SLC31A1: variants seen among roughly 807,000 people sequenced by gnomAD.
SLC31A1 encodes solute carrier family 31 member 1.
SLC31A1 carries 5 observed loss-of-function variants against 17.2 expected under a neutral mutation model. That is an observed-to-expected ratio of 0.29 (90% CI 0.15 to 0.61). The LOEUF (loss-of-function observed/expected upper bound fraction) is 0.61. SLC31A1 is among the 20% of genes least tolerant of loss of function. The probability of loss-of-function intolerance (pLI) is 0.86; values close to 1 mark genes in which losing one functional copy is unlikely to be tolerated. For missense variants in SLC31A1, 161 were observed against 241.4 expected, an observed-to-expected ratio of 0.67 and a Z score of 2.21; for synonymous variants, 76 against 78.8, an observed-to-expected ratio of 0.96 and a Z score of 0.19.
chr9:113,256,532 G>T, intron 2 of SLC31A1: 1 of 396,200 alleles, frequency 2.5e-6, no homozygotes, highest in Non-Finnish European at 4.6e-6. Flanking sequence ...CTGAATTAGG[G>T]GTTCTGGTCT....
intron 1 of SLC31A1, among the ~76,000 whole-genome samples, chr9:113,247,042 G>T (rs1831588747): frequency 6.6e-6 from 1 of 152,100 alleles, no homozygotes; most frequent in African/African-American, 2.4e-5. Flanking sequence ...GGCAAGATTC[G>T]CCCAGTTAAA....
At chr9:113,251,734 ATAAT>A (rs1301882847) in intron 1 of SLC31A1, among the ~76,000 whole-genome samples, 1 of 152,250 alleles carries the variant, frequency 6.6e-6, no homozygotes, top group Non-Finnish European at 1.5e-5. Context: ...TTATGCTTTA[ATAAT>A]TAATTTGTAA....
intron 1 of SLC31A1, among the ~76,000 whole-genome samples, chr9:113,227,012 A>C (rs1485664422): frequency 6.6e-6 from 1 of 152,192 alleles, no homozygotes; most frequent in Non-Finnish European, 1.5e-5. Context: ...AATTATTTAC[A>C]TGTGTCCCTC....
At chr9:113,239,999 G>A (rs763966886) in intron 1 of SLC31A1, among the ~76,000 whole-genome samples, 6 of 152,160 alleles carry the variant, frequency 3.9e-5, no homozygotes, top group Non-Finnish European at 5.9e-5. Flanking sequence ...TCTCGACTCA[G>A]GAAGGCTCTT....
At chr9:113,247,397 ACTT>A (rs1488709280) in intron 1 of SLC31A1, among the ~76,000 whole-genome samples, 1 of 152,198 alleles carries the variant, frequency 6.6e-6, no homozygotes, top group Non-Finnish European at 1.5e-5. Context: ...ATGTATGACT[ACTT>A]CTGTGTAGTC....
intron 1 of SLC31A1, among the ~76,000 whole-genome samples, chr9:113,238,736 C>A (rs1831490669): frequency 1.3e-5 from 2 of 152,214 alleles, no homozygotes; most frequent in Admixed American, 6.5e-5. Flanking sequence ...GCCTGGGCGA[C>A]AGACTGTGAC....
chr9:113,259,583 CTT>C (rs34039262), intron 4 of SLC31A1, among the ~76,000 whole-genome samples: 27 of 124,422 alleles, frequency 2.2e-4, no homozygotes, highest in Middle Eastern at 4.0e-3. Flanking sequence ...TTTTTTCTTT[CTT>C]TTTTTTTTTT....
intron 1 of SLC31A1, among the ~76,000 whole-genome samples, chr9:113,238,087 C>A (rs1831483026): frequency 6.6e-6 from 1 of 152,100 alleles, no homozygotes; most frequent in African/African-American, 2.4e-5. Context: ...CATATAGTAA[C>A]CCTGAAGGAG....
chr9:113,241,068 A>AC (rs1831516727), intron 1 of SLC31A1, among the ~76,000 whole-genome samples: 1 of 151,636 alleles, frequency 6.6e-6, no homozygotes, highest in Non-Finnish European at 1.5e-5. Flanking sequence ...AAAAAAAAAA[A>AC]ATTATTGAGG....
intron 1 of SLC31A1, among the ~76,000 whole-genome samples, chr9:113,245,734 C>T (rs532294902): frequency 1.3e-5 from 2 of 151,574 alleles, no homozygotes; most frequent in South Asian, 2.1e-4. Context: ...AAGATCAGGT[C>T]GATTCTCCCA....
chr9:113,235,612 AT>A (rs1831449083), intron 1 of SLC31A1, among the ~76,000 whole-genome samples: 1 of 152,210 alleles, frequency 6.6e-6, no homozygotes, highest in African/African-American at 2.4e-5. Context: ...ACTGTGTATG[AT>A]TTTAGAAGTC....
intron 1 of SLC31A1, among the ~76,000 whole-genome samples, chr9:113,233,841 T>A (rs1053066676): frequency 6.6e-6 from 1 of 152,234 alleles, no homozygotes; most frequent in African/African-American, 2.4e-5. Flanking sequence ...TAATTAATAA[T>A]TGCACAATGT....
chr9:113,252,749 CT>C (rs1831669635), intron 1 of SLC31A1, among the ~76,000 whole-genome samples: 1 of 152,120 alleles, frequency 6.6e-6, no homozygotes, highest in South Asian at 2.1e-4. Context: ...AGAAGGCACT[CT>C]TGCAAATATT....
intron 1 of SLC31A1, among the ~76,000 whole-genome samples, chr9:113,253,156 C>T (rs1009109093): frequency 2.0e-5 from 3 of 151,932 alleles, no homozygotes; most frequent in African/African-American, 7.3e-5. Flanking sequence ...GGGTTTCACC[C>T]ATGTTAGCCA....
chr9:113,231,756 T>C (rs1228109246), intron 1 of SLC31A1, among the ~76,000 whole-genome samples: 4 of 152,248 alleles, frequency 2.6e-5, no homozygotes, highest in Non-Finnish European at 5.9e-5. Flanking sequence ...ATATGAACTC[T>C]AGCTTATTGG....
At chr9:113,223,311 C>T in intron 1 of SLC31A1, 1 of 412,338 alleles carries the variant, frequency 2.4e-6, no homozygotes, top group Non-Finnish European at 4.8e-6. Context: ...CTTTGAACTG[C>T]AGGACTGGGT....
chr9:113,237,799 G>A (rs1024815277), intron 1 of SLC31A1, among the ~76,000 whole-genome samples: 4 of 152,172 alleles, frequency 2.6e-5, no homozygotes, highest in African/African-American at 9.7e-5. Context: ...GAAAAAGCGT[G>A]CATGAAAGCA....
intron 1 of SLC31A1, among the ~76,000 whole-genome samples, chr9:113,224,799 C>CTATG (rs1366703832): frequency 2.0e-5 from 3 of 152,180 alleles, no homozygotes; most frequent in African/African-American, 7.2e-5. Flanking sequence ...ACTAGAGAGT[C>CTATG]TATGTAGTAC....
intron 1 of SLC31A1, among the ~76,000 whole-genome samples, chr9:113,236,703 C>T (rs1376691005): frequency 1.3e-5 from 2 of 152,148 alleles, no homozygotes; most frequent in Admixed American, 6.5e-5. Flanking sequence ...CTTTTCAGAC[C>T]GAAATAGGCT....
Sources: allele counts gnomAD v4.1 joint callset (sites outside exome capture counted in the v4.1 genomes callset), GRCh38; gene constraint gnomAD v4.1.1; transcripts MANE v1.5; gene names NCBI Gene and HGNC (gene_info 2026-07-23, HGNC 2026-07-21).